Variants in ATP8B2 observed in about 807,000 individuals in gnomAD.
ATP8B2 encodes phospholipid-transporting ATPase ID.
ATP8B2 carries 70 observed loss-of-function variants against 133.4 expected under a neutral mutation model. The observed-to-expected ratio is 0.52, with a 90% CI of 0.43 to 0.64. ATP8B2 has a LOEUF of 0.64. Among genes scored for constraint, ATP8B2 ranks in the 30% least tolerant of loss-of-function variants. The probability of loss-of-function intolerance (pLI) is 0.00; values close to 1 mark genes in which losing one functional copy is unlikely to be tolerated. For missense variants in ATP8B2, 1,101 were observed against 1,535.7 expected, an observed-to-expected ratio of 0.72 and a Z score of 4.73; for synonymous variants, 517 against 589.5, an observed-to-expected ratio of 0.88 and a Z score of 1.78.
chr1:154,344,852 A>T lies in ATP8B2; in HGVS notation c.2286+67A>T, dbSNP rs1224891730. ...GAGCACTTCTGTCCAGGGCTTTTAT[A>T]TCTTGTTCTAATTTCCCCTGATTTC... is the stretch of plus-strand genomic sequence containing the variant. On this transcript the variant is annotated intron_variant, in intron 21 of 27. Coordinates refer to ENST00000368489, the MANE Select transcript of ATP8B2 (RefSeq NM_001370597.1). This position sits in a 1 kb window ranked among gnomAD's most constrained non-coding sequence, Gnocchi z 4.1. 1 of 1,549,676 alleles carries T rather than the reference A, an allele frequency of 6.5e-7. No homozygotes were observed. Among genetic ancestry groups the T allele is most frequent in the Non-Finnish European group, 8.7e-7 (1 of 1,146,752 alleles).
intron 1 of ATP8B2, chr1:154,327,808 C>T (rs770059997): frequency 1.9e-6 from 3 of 1,613,732 alleles, no homozygotes; most frequent in Middle Eastern, 1.6e-4. Context: ...GGATGGATAC[C>T]TTGAGAGCTG....
In ATP8B2 at chr1:154,331,015, C is replaced by A. The variant is rs369993860; in HGVS notation, c.205-33C>A. On this transcript the variant is annotated intron_variant, in intron 4 of 27. Coordinates refer to ENST00000368489, the MANE Select transcript of ATP8B2 (RefSeq NM_001370597.1). This position sits in a 1 kb window ranked among gnomAD's most constrained non-coding sequence, Gnocchi z 4.8. Reference sequence around the variant, plus strand: ...AAGGGAATGAAGGCATCAGATGGGGCCTCAGAGGCATACTTCTCTTTCTTT... The same window carrying A: ...AAGGGAATGAAGGCATCAGATGGGGACTCAGAGGCATACTTCTCTTTCTTT... 17 of 1,603,216 alleles carry A rather than the reference C, an allele frequency of 1.1e-5. No homozygotes were observed. The highest frequency in any genetic ancestry group is 1.7e-5 in the Admixed American group (1 of 59,976).
Position 154,344,980 on chromosome 1 carries a change from C to G in ATP8B2, c.2296C>G (p.Leu766Val), listed in dbSNP as rs747570287. 6.2e-7 allele frequency: 1 copy of G among 1,612,588 alleles called. No homozygotes were observed. Among genetic ancestry groups the G allele is most frequent in the Non-Finnish European group, 8.5e-7 (1 of 1,179,136 alleles). Residue 766 changes from leucine (L) to valine (V), a missense_variant, in exon 22 of 28, where the codon CTG (leucine) becomes GTG (valine). Leu to Val is a conservative substitution (Grantham distance 32). Coordinates refer to ENST00000368489, the MANE Select transcript of ATP8B2 (RefSeq NM_001370597.1). The surrounding 1 kb of genome is among the most constrained non-coding windows in gnomAD (Gnocchi z 4.1). ...TTTCTCTGTGCTCCAGGCCCACGCA[C>G]TGGAGGCAGACATGGAGCTGGAGTT... is the stretch of plus-strand genomic sequence containing the variant. ...VINGHSLAHA[L>V]EADMELEFLE... is the part of the protein sequence containing the mutation.
Position 154,330,907 on chromosome 1 carries a change from C to T in ATP8B2, c.183C>T (p.Phe61=), listed in dbSNP as rs1317413355. 1 of 1,613,954 alleles carries T rather than the reference C, an allele frequency of 6.2e-7. No individual in the cohort carries two copies. The highest frequency in any genetic ancestry group is 8.5e-7 in the Non-Finnish European group (1 of 1,179,838). The change falls in exon 4 of 28, where the codon TTC becomes TTT. Residue 61 remains phenylalanine, a synonymous_variant. Transcript: ENST00000368489. The part of the protein sequence containing the change: ...EQFQEVANTY[F]LFLLILQLIP... ...TCCAGGAAGTTGCCAACACTTACTT[C>T]CTGTTCCTCCTCATTCTGCAGGTAG...
intron 12 of ATP8B2, among the ~76,000 whole-genome samples, chr1:154,339,901 G>A (rs893276168): frequency 2.6e-5 from 4 of 152,204 alleles, no homozygotes; most frequent in African/African-American, 9.6e-5. Context: ...CACTATAGGG[G>A]CCAGGCATGG....
Position 154,345,826 on chromosome 1 carries a change from C to G in ATP8B2, c.2721C>G (p.Thr907=). Residue 907 remains threonine, a synonymous_variant, in exon 24 of 28, where the codon ACC becomes ACG. Transcript: ENST00000368489. This position sits in a 1 kb window ranked among gnomAD's most constrained non-coding sequence, Gnocchi z 5.6. Reference sequence around the variant, plus strand: ...CCGTCTATGACCAGTATTTCATCACCCTGTATAACATCGTGTACACCTCCC... The same window carrying G: ...CCGTCTATGACCAGTATTTCATCACGCTGTATAACATCGTGTACACCTCCC... ...AQTVYDQYFI[T]LYNIVYTSLP... 1.2e-6 allele frequency: 2 copies of G among 1,613,760 alleles called. No individual in the cohort carries two copies. The highest frequency in any genetic ancestry group is 1.7e-6 in the Non-Finnish European group (2 of 1,179,636).
At position 154,342,840 on chromosome 1, in the gene ATP8B2, G is replaced by T; in HGVS notation, c.1332G>T (p.Lys444Asn). 1 of 1,614,196 alleles carries T rather than the reference G, an allele frequency of 6.2e-7. No homozygotes were observed. Among genetic ancestry groups the T allele is most frequent in the Non-Finnish European group, 8.5e-7 (1 of 1,180,030 alleles). ...VDFSFNPLADKKFLFWDPSLL... is the reference protein window; with the variant it reads ...VDFSFNPLADNKFLFWDPSLL... ...TCTCCTTCAATCCTCTGGCTGACAAGAAGTTCTTATTTTGGGACCCCAGCC... is the reference window on the plus strand; with the variant it reads ...TCTCCTTCAATCCTCTGGCTGACAATAAGTTCTTATTTTGGGACCCCAGCC... Residue 444 changes from lysine (K) to asparagine (N), a missense_variant, in exon 15 of 28, where the codon AAG becomes AAT. Transcript: ENST00000368489.
chr1:154,342,184 T>C (rs1485110195), intron 13 of ATP8B2, among the ~76,000 whole-genome samples: 1 of 150,974 alleles, frequency 6.6e-6, no homozygotes, highest in African/African-American at 2.4e-5. Flanking sequence ...GCCTGGGAGG[T>C]GTGGAATTGG....
At chr1:154,330,363 G>T in intron 2 of ATP8B2, 33 bp from the exon 3 acceptor site, 2 of 1,608,828 alleles carry the variant, frequency 1.2e-6, no homozygotes, top group Non-Finnish European at 1.7e-6. Flanking sequence ...ACCTCAGTTT[G>T]CTCCTCCTGA....
In ATP8B2 at chr1:154,331,259, C is replaced by A; in HGVS notation, c.303+113C>A. 8.5e-7 allele frequency: 1 copy of A among 1,170,042 alleles called. No individual in the cohort carries two copies. Among genetic ancestry groups the A allele is most frequent in the Non-Finnish European group, 1.2e-6 (1 of 809,698 alleles). The allele number at this position is 1,170,042 out of a possible 1,614,324, so 72.5% of individuals were successfully genotyped here. A position where few individuals can be genotyped will look rare whatever the true frequency, so the allele number is the denominator to read the frequency against. ...ACAATTTCTTGGTGACCTTGACATC[C>A]CTTACCCGGTCCAGCTAGATCCATG... On this transcript the variant is annotated intron_variant, in intron 5 of 27. Transcript: ENST00000368489. This position sits in a 1 kb window ranked among gnomAD's most constrained non-coding sequence, Gnocchi z 4.8.
chr1:154,338,284 G>C (rs1439528058), intron 12 of ATP8B2, among the ~76,000 whole-genome samples: 1 of 152,210 alleles, frequency 6.6e-6, no homozygotes, highest in East Asian at 1.9e-4. Flanking sequence ...TGGGCCAAGA[G>C]CAAGAGCTGG....
intron 26 of ATP8B2, among the ~76,000 whole-genome samples, chr1:154,348,063 G>C (rs993477552): frequency 9.2e-5 from 14 of 151,688 alleles, no homozygotes; most frequent in Admixed American, 9.2e-4. Context: ...AATGAATCAA[G>C]ATCCATTGCA....
At position 154,342,486 on chromosome 1, in the gene ATP8B2, T is replaced by C. The variant is rs1224285142; in HGVS notation, c.1250T>C (p.Val417Ala). The change falls in exon 14 of 28, where the codon GTG (valine) becomes GCG (alanine). Residue 417 changes from valine to alanine, a missense_variant. By Grantham distance (64) the Val-to-Ala change is moderately conservative. Coordinates refer to ENST00000368489, the MANE Select transcript of ATP8B2 (RefSeq NM_001370597.1). Reference sequence around the variant, plus strand: ...CTGCCCTGGCTGTATGTAGGTGATGTGTTTGACGTCCTGGGACACAAAGCT... The same window carrying C: ...CTGCCCTGGCTGTATGTAGGTGATGCGTTTGACGTCCTGGGACACAAAGCT... ...CSINGHSYGDVFDVLGHKAEL... is the reference protein window; with the variant it reads ...CSINGHSYGDAFDVLGHKAEL... 9.9e-6 allele frequency: 16 copies of C among 1,613,790 alleles called. No homozygotes were observed. Among genetic ancestry groups the C allele is most frequent in the Non-Finnish European group, 1.4e-5 (16 of 1,179,850 alleles).
Position 154,343,977 on chromosome 1 carries a change from C to T in ATP8B2, c.1843C>T (p.Arg615Cys), listed in dbSNP as rs140373193. 2.1e-3 allele frequency: 3,467 copies of T among 1,613,928 alleles called. 12 individuals are homozygous for T. Among genetic ancestry groups the T allele is most frequent in the South Asian group, 5.1e-3 (463 of 91,054 alleles). The change falls in exon 18 of 28, where the codon CGC becomes TGC. Residue 615 changes from arginine (R) to cysteine (C), a missense_variant. Transcript: ENST00000368489. The surrounding 1 kb of genome is among the most constrained non-coding windows in gnomAD (Gnocchi z 5.8). ...GTACTACGAGGAGTGGGCTGAGCGA[C>T]GCCTCCAGGCCAGCCTGGCCCAGGA... Reference protein sequence around the residue: ...EEYYEEWAERRLQASLAQDSR... With the variant: ...EEYYEEWAERCLQASLAQDSR...
At position 154,344,219 on chromosome 1, in the gene ATP8B2, A is replaced by C; in HGVS notation, c.2000A>C (p.Asn667Thr). ...ACCATTGCCCTCCTGACACTGGCCA[A>C]CATCAAGATTTGGGTGCTAACCGGA... ...PETIALLTLA[N>T]IKIWVLTGDK... The change falls in exon 19 of 28, where the codon AAC becomes ACC. Residue 667 changes from asparagine to threonine, a missense_variant. Coordinates refer to ENST00000368489, the MANE Select transcript of ATP8B2 (RefSeq NM_001370597.1). The surrounding 1 kb of genome is among the most constrained non-coding windows in gnomAD (Gnocchi z 4.1). The C allele has an allele frequency of 6.2e-7, 1 of 1,614,216 alleles. No homozygotes were observed. The highest frequency in any genetic ancestry group is 1.1e-5 in the South Asian group (1 of 91,086).
rs760422686 is a variant in ATP8B2, at chr1:154,337,705, A to G, written c.1034+161A>G. On this transcript the variant is annotated intron_variant, in intron 12 of 27. Coordinates refer to ENST00000368489, the MANE Select transcript of ATP8B2 (RefSeq NM_001370597.1). ...TCTGTTTATCTTTGTGGGCAGAGCAAACTTTTTACCACAGTTTCCTGGTAC... is the reference window on the plus strand; with the variant it reads ...TCTGTTTATCTTTGTGGGCAGAGCAGACTTTTTACCACAGTTTCCTGGTAC... 5 of 1,556,578 alleles carry G rather than the reference A, an allele frequency of 3.2e-6. No individual in the cohort carries two copies. The African/African-American group carries it at 6.9e-5, about 21-fold the overall frequency.
At chr1:154,342,284 C>G (rs886755831) in intron 13 of ATP8B2, among the ~76,000 whole-genome samples, 196 bp from the exon 14 acceptor site, 4 of 151,626 alleles carry the variant, frequency 2.6e-5, no homozygotes, top group African/African-American at 9.7e-5. Flanking sequence ...CCTTGGGGTT[C>G]TGGAATCTAG....
At chr1:154,327,891 C>G in intron 1 of ATP8B2, 3 of 1,602,786 alleles carry the variant, frequency 1.9e-6, no homozygotes, top group Non-Finnish European at 2.6e-6. Flanking sequence ...CTCAGCCCCC[C>G]ATGTCACCCA....
intron 13 of ATP8B2, chr1:154,341,458 C>T: frequency 3.2e-6 from 1 of 307,754 alleles, no homozygotes; most frequent in South Asian, 3.0e-5. Context: ...TTCCACTGCA[C>T]TCCAGCCTGG....
Sources: allele counts gnomAD v4.1 joint callset (sites outside exome capture counted in the v4.1 genomes callset), GRCh38; gene constraint gnomAD v4.1.1; non-coding constraint Gnocchi (gnomAD v3.1); transcripts MANE v1.5; gene names NCBI Gene and HGNC (gene_info 2026-07-23, HGNC 2026-07-21).